Variants in PTK2 observed in about 807,000 individuals in gnomAD.
The protein encoded by PTK2 is protein tyrosine kinase 2.
A neutral mutation model predicts 150.1 loss-of-function variants in PTK2; 45 were observed. The observed-to-expected ratio is 0.30, with a 90% confidence interval of 0.24 to 0.38. The LOEUF (loss-of-function observed/expected upper bound fraction) is 0.38. Ranked by LOEUF, PTK2 falls within the 10% of genes least tolerant of loss-of-function variation. The pLI, the probability that PTK2 is intolerant of heterozygous loss-of-function variation, is 1.00. For missense variants in PTK2, 919 were observed against 1,307.3 expected (o/e 0.70, Z 4.58); for synonymous variants, 432 against 449.2 (o/e 0.96, Z 0.48).
intron 1 of PTK2, among the ~76,000 whole-genome samples, chr8:140,951,390 C>T (rs2100179504): frequency 6.6e-6 from 1 of 152,140 alleles, no homozygotes; most frequent in Non-Finnish European, 1.5e-5. Context: ...AAATAAGGGA[C>T]CTATATCTCA....
At chr8:140,987,808 C>T (rs753088787) in intron 1 of PTK2, among the ~76,000 whole-genome samples, 2 of 152,140 alleles carry the variant, frequency 1.3e-5, no homozygotes, top group Non-Finnish European at 2.9e-5. Flanking sequence ...TTTGGAATGC[C>T]AAGACTGGAG....
Position 140,902,924 on chromosome 8 carries a change from G to GTTTTTTTTTTTTTTTTTTTTT in PTK2, c.-32-12176_-32-12156dup, listed in dbSNP as rs61261890. On this transcript the variant is annotated intron_variant, in intron 2 of 31. Transcript: ENST00000522684. ...TTGCCTGTTCACTCTGATGAGAGTT[G>GTTTTTTTTTTTTTTTTTTTTT]TTTTTTTTTTTTTTTTTTTTTTTTT... 6.8e-5 allele frequency among the ~76,000 whole-genome samples: 4 copies of GTTTTTTTTTTTTTTTTTTTTT among 58,960 alleles called. 1 individual carries two copies. Among genetic ancestry groups the GTTTTTTTTTTTTTTTTTTTTT allele is most frequent in the Admixed American group, 4.5e-4 (2 of 4,396 alleles). 38.7% of individuals were successfully genotyped at this position (58,960 alleles called of 152,430 possible).
chr8:140,725,008 T>C (rs1165797380), intron 22 of PTK2, among the ~76,000 whole-genome samples: 1 of 152,270 alleles, frequency 6.6e-6, no homozygotes, highest in Non-Finnish European at 1.5e-5. Context: ...CATGGATATA[T>C]TGAAATCATA....
At chr8:140,827,977 A>G (rs922783376) in intron 8 of PTK2, among the ~76,000 whole-genome samples, 4 of 152,062 alleles carry the variant, frequency 2.6e-5, no homozygotes, top group African/African-American at 9.7e-5. Context: ...GACCAGCCCA[A>G]CCAACACAGT....
chr8:140,955,400 G>A (rs1023923636), intron 1 of PTK2, among the ~76,000 whole-genome samples: 17 of 152,098 alleles, frequency 1.1e-4, no homozygotes, highest in Non-Finnish European at 2.2e-4. Context: ...CTTCCCCTTC[G>A]CTTTCTGCCA....
At chr8:140,789,886 C>A (rs959635211) in intron 13 of PTK2, among the ~76,000 whole-genome samples, 1 of 152,038 alleles carries the variant, frequency 6.6e-6, no homozygotes, top group South Asian at 2.1e-4. Flanking sequence ...AAAAAACATA[C>A]ACCTGGAAGT....
intron 10 of PTK2, among the ~76,000 whole-genome samples, chr8:140,813,025 A>G (rs1213876204): frequency 6.6e-6 from 1 of 152,202 alleles, no homozygotes; most frequent in Non-Finnish European, 1.5e-5. Flanking sequence ...CATTGGATCA[A>G]ATGGACCTGA....
chr8:140,916,412 G>A (rs1043622884), intron 2 of PTK2, among the ~76,000 whole-genome samples: 1 of 152,190 alleles, frequency 6.6e-6, no homozygotes, highest in African/African-American at 2.4e-5. Flanking sequence ...CCCAGCAAGA[G>A]CCTTTGCTCT....
intron 21 of PTK2, among the ~76,000 whole-genome samples, chr8:140,737,535 A>G (rs796501421): frequency 1.3e-5 from 2 of 152,352 alleles, no homozygotes; most frequent in African/African-American, 4.8e-5. Context: ...AGGGAGGAGA[A>G]TGTTGAAAAC....
At chr8:140,678,382 T>C (rs1394150699) in intron 27 of PTK2, among the ~76,000 whole-genome samples, 1 of 151,904 alleles carries the variant, frequency 6.6e-6, no homozygotes, top group Non-Finnish European at 1.5e-5. Flanking sequence ...GGTATTACTC[T>C]GTCACCTGGG....
chr8:140,741,446 C>T (rs577356440), intron 20 of PTK2, among the ~76,000 whole-genome samples: 3 of 150,342 alleles, frequency 2.0e-5, no homozygotes, highest in Non-Finnish European at 4.4e-5. Flanking sequence ...CAGAGTGAGA[C>T]TCTGTCTCAA....
intron 27 of PTK2, among the ~76,000 whole-genome samples, chr8:140,678,579 C>T (rs1564172425): frequency 6.6e-6 from 1 of 152,138 alleles, no homozygotes; most frequent in Admixed American, 6.5e-5. Context: ...GTTTCAAGCT[C>T]TTGAGCTCAA....
At chr8:140,668,487 C>T in intron 29 of PTK2, 63 bp from the exon 34 acceptor site, 1 of 1,530,578 alleles carries the variant, frequency 6.5e-7, no homozygotes, top group South Asian at 1.3e-5. Flanking sequence ...TCACCACAAT[C>T]AAGCTAGAGA....
At chr8:140,873,996 T>C (rs2100144103) in intron 4 of PTK2, among the ~76,000 whole-genome samples, 1 of 152,246 alleles carries the variant, frequency 6.6e-6, no homozygotes, top group South Asian at 2.1e-4. Flanking sequence ...TCAACTATAC[T>C]TCCCACTAAA....
At chr8:140,661,451 T>G (rs1353480931) in intron 31 of PTK2, among the ~76,000 whole-genome samples, 1 of 152,148 alleles carries the variant, frequency 6.6e-6, no homozygotes, top group African/African-American at 2.4e-5. Flanking sequence ...GTGCATGGTG[T>G]TGTCACTGAC....
intron 1 of PTK2, among the ~76,000 whole-genome samples, chr8:140,976,235 A>G (rs903307073): frequency 1.3e-5 from 2 of 152,242 alleles, no homozygotes; most frequent in Admixed American, 1.3e-4. Context: ...CACAACTACA[A>G]TATCTAGACA....
At chr8:140,957,427 A>C (rs991949809) in intron 1 of PTK2, among the ~76,000 whole-genome samples, 1 of 152,214 alleles carries the variant, frequency 6.6e-6, no homozygotes, top group Admixed American at 6.5e-5. Flanking sequence ...AATAGTCATA[A>C]GTTTAAAAAC....
intron 1 of PTK2, among the ~76,000 whole-genome samples, chr8:140,972,289 G>C (rs1465494321): frequency 6.6e-6 from 1 of 151,382 alleles, no homozygotes; most frequent in Non-Finnish European, 1.5e-5. Flanking sequence ...TTTTTAGATG[G>C]AGTCTCATTC....
chr8:140,776,877 G>C (rs2100078756), intron 14 of PTK2, among the ~76,000 whole-genome samples: 1 of 152,224 alleles, frequency 6.6e-6, no homozygotes, highest in African/African-American at 2.4e-5. Flanking sequence ...CAGAAGAACT[G>C]AGTCCTGGGA....
Sources: allele counts gnomAD v4.1 joint callset (sites outside exome capture counted in the v4.1 genomes callset), GRCh38; gene constraint gnomAD v4.1.1; transcripts MANE v1.5; gene names NCBI Gene and HGNC (gene_info 2026-07-23, HGNC 2026-07-21).